ACLY: variants seen among roughly 807,000 people sequenced by gnomAD.
ACLY encodes the protein ATP-citrate synthase.
ACLY carries 41 observed loss-of-function variants against 133.0 expected under a neutral mutation model. The ratio of observed to expected loss-of-function variants is 0.31; its 90% confidence interval spans 0.24 to 0.40. ACLY has a LOEUF of 0.40. ACLY is among the 10% of genes least tolerant of loss of function. ACLY has a pLI of 1.00. For synonymous variants in ACLY, 495 were observed against 549.3 expected (o/e 0.90, Z 1.38); for missense variants, 1,046 against 1,453.8 (o/e 0.72, Z 4.56).
At chr17:41,896,769 C>T in intron 13 of ACLY, 120 bp from the exon 14 acceptor site, 1 of 760,536 alleles carries the variant, frequency 1.3e-6, no homozygotes, top group South Asian at 2.6e-5. Flanking sequence ...AAGCCCTCAT[C>T]ATCCCTCTCC....
intron 3 of ACLY, among the ~76,000 whole-genome samples, chr17:41,910,654 T>C (rs2049874983): frequency 6.6e-6 from 1 of 152,078 alleles, no homozygotes; most frequent in African/African-American, 2.4e-5. Context: ...TCATGAGCCT[T>C]GAGGAAGGCA....
At chr17:41,930,180 T>G (rs2050300883) in intron 1 of ACLY, among the ~76,000 whole-genome samples, 1 of 152,228 alleles carries the variant, frequency 6.6e-6, no homozygotes, top group African/African-American at 2.4e-5. Context: ...CATCCCTGAG[T>G]GTTCCATTAT....
At chr17:41,894,854 C>T (rs782336619) in intron 14 of ACLY, among the ~76,000 whole-genome samples, 1 of 152,118 alleles carries the variant, frequency 6.6e-6, no homozygotes, top group Non-Finnish European at 1.5e-5. Context: ...ATGCATCTAG[C>T]CCAGTGGCAT....
At chr17:41,887,425 G>A (rs573001187) in intron 17 of ACLY, among the ~76,000 whole-genome samples, 174 bp downstream of exon 17, 60 of 152,196 alleles carry the variant, frequency 3.9e-4, no homozygotes, top group Non-Finnish European at 5.4e-4. Flanking sequence ...GCATTGCAGT[G>A]AGGCTGTGTC....
chr17:41,894,650 C>T (rs1178875615), intron 14 of ACLY, among the ~76,000 whole-genome samples: 1 of 150,946 alleles, frequency 6.6e-6, no homozygotes, highest in Admixed American at 6.6e-5. Context: ...ACTATGTACC[C>T]ACAAAAATTT....
intron 22 of ACLY, 109 bp from the exon 23 acceptor site, chr17:41,874,074 G>A (rs563512930): frequency 3.5e-5 from 41 of 1,160,792 alleles, no homozygotes; most frequent in South Asian, 2.5e-4. Flanking sequence ...CAGGAATGTC[G>A]TAAACTCTGG....
At position 41,890,700 on chromosome 17, in the gene ACLY, A is replaced by T. The variant is rs950213463; in HGVS notation, c.1770+1579T>A. On this transcript the variant is annotated intron_variant, in intron 16 of 28. Coordinates refer to ENST00000352035, the MANE Select transcript of ACLY (RefSeq NM_001096.3). Reference sequence around the variant, plus strand: ...TGAAACTCTGTCTCAAAAAAAAAAAATTTTTTTTAATTAAAATAGGCCAGG... The same window carrying T: ...TGAAACTCTGTCTCAAAAAAAAAAATTTTTTTTTAATTAAAATAGGCCAGG... Among the ~76,000 whole-genome samples, 285 of 150,360 alleles carry T rather than the reference A, an allele frequency of 1.9e-3. 2 individuals are homozygous for T. Among genetic ancestry groups the T allele is most frequent in the Non-Finnish European group, 2.8e-3 (191 of 67,644 alleles).
At chr17:41,868,453 A>AAAAT (rs10668805) in intron 28 of ACLY, among the ~76,000 whole-genome samples, 1 of 150,378 alleles carries the variant, frequency 6.6e-6, no homozygotes, top group African/African-American at 2.4e-5. Context: ...AAAAAAAAAA[A>AAAAT]TTTTCCTGGG....
rs60296550 is a variant in ACLY, at chr17:41,900,069, C to CAAAAAAAAAAAA, written c.1184-1296_1184-1285dup. Among the ~76,000 whole-genome samples the CAAAAAAAAAAAA allele has an allele frequency of 3.9e-4, 18 of 46,630 alleles. 3 individuals carry two copies. Among genetic ancestry groups the CAAAAAAAAAAAA allele is most frequent in the Non-Finnish European group, 4.6e-4 (11 of 23,822 alleles). 30.6% of individuals were successfully genotyped at this position (46,630 alleles called of 152,430 possible). ...GGGTGACAGAGTGAGACCCTGTCTC[C>CAAAAAAAAAAAA]AAAAAAAAAAAAAAAAAAAAAAAAA... On this transcript the variant is annotated intron_variant, in intron 11 of 28. Coordinates refer to ENST00000352035, the MANE Select transcript of ACLY (RefSeq NM_001096.3).
chr17:41,919,044 G>A (rs993482743), upstream of ACLY: 3 of 1,282,256 alleles, frequency 2.3e-6, no homozygotes, highest in Non-Finnish European at 3.0e-6. Flanking sequence ...CCCCGCGATT[G>A]GCCACACGCG....
At chr17:41,868,672 A>T (rs782785756) in intron 28 of ACLY, 37 bp downstream of exon 28, 23 of 1,488,994 alleles carry the variant, frequency 1.5e-5, no homozygotes, top group Middle Eastern at 3.5e-4. Context: ...CGTGGGGTTT[A>T]AAAAAAAACA....
At chr17:41,919,366 C>A (rs1555635142), upstream of ACLY, among the ~76,000 whole-genome samples, 1 of 152,226 alleles carries the variant, frequency 6.6e-6, no homozygotes, top group Non-Finnish European at 1.5e-5. Flanking sequence ...CCTGGAGTAC[C>A]CTTGCTCCTT....
chr17:41,893,780 G>A (rs782467855), intron 14 of ACLY, among the ~76,000 whole-genome samples: 21 of 152,226 alleles, frequency 1.4e-4, no homozygotes, highest in Non-Finnish European at 2.4e-4. Context: ...CTCTGCACAA[G>A]GCAGGAGCAG....
intron 2 of ACLY, 47 bp from the exon 3 acceptor site, chr17:41,912,589 A>T: frequency 6.2e-7 from 1 of 1,611,534 alleles, no homozygotes; most frequent in East Asian, 2.2e-5. Flanking sequence ...AATTAGATAA[A>T]CCGTAGTATT....
At position 41,884,203 on chromosome 17, in the gene ACLY, A is replaced by G. The variant is rs200021365; in HGVS notation, c.2144T>C (p.Val715Ala). Residue 715 changes from valine (V) to alanine (A), a missense_variant, in exon 19 of 29, where the codon GTT becomes GCT. Physicochemically the swap from Val to Ala is moderately conservative, Grantham distance 64 (BLOSUM62 0). Transcript: ENST00000352035. ...TTTAAAGTAACTCACCTCTCCAAGAACCACAATCATTTTGACTCCTGGAGT... is the reference window on the plus strand; with the variant it reads ...TTTAAAGTAACTCACCTCTCCAAGAGCCACAATCATTTTGACTCCTGGAGT... ...QDTPGVKMIV[V>A]LGEIGGTEEY... The G allele has an allele frequency of 1.2e-4, 198 of 1,603,398 alleles. 3 individuals are homozygous for G. In the Admixed American group the frequency reaches 2.7e-3, roughly 22 times the overall value.
At chr17:41,901,149 A>C (rs2049527773) in intron 11 of ACLY, among the ~76,000 whole-genome samples, 1 of 150,560 alleles carries the variant, frequency 6.6e-6, no homozygotes. Context: ...TTGTAGAGGC[A>C]GGGTCTCGCC....
chr17:41,872,738 C>T (rs572230942), intron 23 of ACLY, among the ~76,000 whole-genome samples: 25 of 152,332 alleles, frequency 1.6e-4, no homozygotes, highest in South Asian at 6.2e-4. Context: ...GTATTTGTGG[C>T]TATGCTCCAT....
intron 16 of ACLY, among the ~76,000 whole-genome samples, chr17:41,890,837 CAAAAAAAAAAAA>C (rs34510712): frequency 1.4e-5 from 1 of 73,188 alleles, no homozygotes; most frequent in African/African-American, 6.1e-5. Flanking sequence ...CCCATCTGTA[CAAAAAAAAAAAA>C]AAAAAAAAAA....
chr17:41,907,341 A>T, intron 7 of ACLY, 101 bp downstream of exon 7: 1 of 988,886 alleles, frequency 1.0e-6, no homozygotes, highest in Non-Finnish European at 1.4e-6. Context: ...TTTCCCTGCC[A>T]AATAAACAGC....
Sources: gnomAD v4.1 joint callset for allele counts (sites outside exome capture counted in the v4.1 genomes callset) on GRCh38, gnomAD v4.1.1 for gene constraint, MANE v1.5 for transcripts, NCBI Gene and HGNC (gene_info 2026-07-23, HGNC 2026-07-21) for gene names.